P4HA2: variants seen among roughly 807,000 people sequenced by gnomAD.
P4HA2 encodes prolyl 4-hydroxylase subunit alpha-2.
A neutral mutation model predicts 76.9 loss-of-function variants in P4HA2; 46 were observed. That is an observed-to-expected ratio of 0.60 (90% CI 0.47 to 0.76). P4HA2 has a LOEUF of 0.76. Ranked by LOEUF, P4HA2 falls within the 30% of genes least tolerant of loss-of-function variation. The pLI is 0.00. For missense variants in P4HA2, 583 were observed against 669.4 expected (o/e 0.87, Z 1.42); for synonymous variants, 243 against 254.0 (o/e 0.96, Z 0.41).
chr5:132,203,882 G>A (rs199678265), intron 9 of P4HA2, 35 bp from the exon 10 acceptor site: 18 of 1,496,818 alleles, frequency 1.2e-5, no homozygotes, highest in Admixed American at 3.4e-5. Flanking sequence ...AAAAGAAGAC[G>A]GAAGGGCAGG....
intron 14 of P4HA2, among the ~76,000 whole-genome samples, chr5:132,194,248 T>C (rs915043347): frequency 1.3e-5 from 2 of 152,200 alleles, no homozygotes; most frequent in African/African-American, 4.8e-5. Context: ...TGTACAACTT[T>C]TTTTCCCCTG....
intron 4 of P4HA2, among the ~76,000 whole-genome samples, chr5:132,214,586 T>G (rs1753590556): frequency 6.6e-6 from 1 of 152,120 alleles, no homozygotes; most frequent in South Asian, 2.1e-4. Flanking sequence ...GGCCACTCAT[T>G]ACTGACCACT....
At chr5:132,201,877 G>A (rs1259923199) in intron 10 of P4HA2, 1 of 152,238 alleles carries the variant, frequency 6.6e-6, no homozygotes, top group East Asian at 1.9e-4. Context: ...AGAGCCACAG[G>A]TCCTGTCTAC....
At chr5:132,222,494 C>T (rs1408621512) in intron 1 of P4HA2, among the ~76,000 whole-genome samples, 1 of 152,142 alleles carries the variant, frequency 6.6e-6, no homozygotes, top group South Asian at 2.1e-4. Flanking sequence ...TGTCATCTGG[C>T]CTTCCTCCCA....
intron 5 of P4HA2, among the ~76,000 whole-genome samples, chr5:132,210,860 C>CTGG (rs1402963907): frequency 6.6e-6 from 1 of 152,148 alleles, no homozygotes; most frequent in Non-Finnish European, 1.5e-5. Context: ...AAGAAGATGT[C>CTGG]TGGTGGGCAG....
chr5:132,194,307 A>G lies in P4HA2; in HGVS notation c.1531+619T>C, dbSNP rs568499584. Among the ~76,000 whole-genome samples the G allele has an allele frequency of 2.6e-5, 4 of 152,226 alleles. No individual in the cohort carries two copies. The East Asian group carries it at 7.7e-4, about 29-fold the overall frequency. On this transcript the variant is annotated intron_variant, in intron 14 of 14. Transcript: ENST00000360568. ...TTTTCCATTTGCTTAATTATCTGCA[A>G]ACCTATCACTATTTATCTTCAAAAC...
chr5:132,195,349 G>T (rs1312860150), intron 13 of P4HA2, 63 bp downstream of exon 13: 2 of 1,202,034 alleles, frequency 1.7e-6, no homozygotes, highest in Admixed American at 1.7e-5. Context: ...GGTACTGGGG[G>T]ACATGGACAA....
intron 1 of P4HA2, among the ~76,000 whole-genome samples, chr5:132,224,576 GCAC>G (rs1361354221): frequency 1.3e-5 from 2 of 152,334 alleles, no homozygotes; most frequent in African/African-American, 4.8e-5. Context: ...TGTTCCAGGA[GCAC>G]CACAAGAAAT....
At chr5:132,198,403 C>A in intron 11 of P4HA2, 23 bp from the exon 12 acceptor site, 1 of 1,611,200 alleles carries the variant, frequency 6.2e-7, no homozygotes, top group Non-Finnish European at 8.5e-7. Flanking sequence ...ACAACTTTCA[C>A]CCAAGTTTAC....
At position 132,193,083 on chromosome 5, in the gene P4HA2, G is replaced by A; in HGVS notation, c.1532-3C>T. The A allele has an allele frequency of 6.2e-7, 1 of 1,609,088 alleles. No individual in the cohort carries two copies. Among genetic ancestry groups the A allele is most frequent in the Non-Finnish European group, 8.5e-7 (1 of 1,175,428 alleles). On this transcript the variant is annotated splice_polypyrimidine_tract_variant and splice_region_variant and intron_variant, in intron 14 of 14. Transcript: ENST00000360568. ...TTCATGGAACCACTTATTGGAGACTGTGAAAAGAAAGCAAGCATGTTACAA... is the reference window on the plus strand; with the variant it reads ...TTCATGGAACCACTTATTGGAGACTATGAAAAGAAAGCAAGCATGTTACAA...
Position 132,191,338 on chromosome 5 carries a change from C to T in P4HA2, c.*1672G>A, listed in dbSNP as rs543014274. ...CCATCCCGGCTAAAACGGTGAAACC[C>T]CGTCTCTACTAAAAATACAAAAAAT... is the stretch of plus-strand genomic sequence containing the variant. On this transcript the variant is annotated 3_prime_UTR_variant, in exon 15 of 15. Coordinates refer to ENST00000360568, the MANE Select transcript of P4HA2 (RefSeq NM_001017974.2). Among the ~76,000 whole-genome samples, 2 of 151,726 alleles carry T rather than the reference C, an allele frequency of 1.3e-5. No individual in the cohort carries two copies. Among genetic ancestry groups the T allele is most frequent in the South Asian group, 4.2e-4 (2 of 4,802 alleles).
intron 5 of P4HA2, among the ~76,000 whole-genome samples, chr5:132,212,109 T>C (rs1024964849): frequency 2.6e-5 from 4 of 151,954 alleles, no homozygotes; most frequent in African/African-American, 4.8e-5. Context: ...CTGACATGGG[T>C]AAAGGTATTC....
chr5:132,200,274 A>G (rs967628337), intron 10 of P4HA2: 4 of 152,280 alleles, frequency 2.6e-5, no homozygotes, highest in African/African-American at 4.8e-5. Flanking sequence ...TCCTCTTATT[A>G]GAGCACAAAA....
chr5:132,205,655 G>A (rs1354699624), intron 8 of P4HA2, among the ~76,000 whole-genome samples: 2 of 152,146 alleles, frequency 1.3e-5, no homozygotes, highest in Non-Finnish European at 1.5e-5. Flanking sequence ...AGGCTAGTAA[G>A]GGGGTGAGAT....
intron 14 of P4HA2, among the ~76,000 whole-genome samples, chr5:132,194,083 C>A (rs988100389): frequency 2.0e-4 from 30 of 152,022 alleles, no homozygotes; most frequent in Non-Finnish European, 7.4e-5. Context: ...CTTTGGAATT[C>A]TTTTATTCTA....
At chr5:132,201,455 C>T (rs562711627) in intron 10 of P4HA2, 2 of 152,320 alleles carry the variant, frequency 1.3e-5, no homozygotes, top group South Asian at 2.1e-4. Context: ...GGTGCCTAGG[C>T]ATGTATCATA....
rs1750976858 is a variant in P4HA2 at position 132,198,315 on chromosome 5, AC to A, written c.1365+5del. Reference sequence around the variant, plus strand: ...ATGAACAGGTGGGCCTGGACCCAGTACTTACGTAGTTAAGAAACGTCGCTAA... The same window carrying A: ...ATGAACAGGTGGGCCTGGACCCAGTATTACGTAGTTAAGAAACGTCGCTAA... On this transcript the variant is annotated splice_donor_5th_base_variant and intron_variant, in intron 12 of 14. Transcript: ENST00000360568. 6.2e-7 allele frequency: 1 copy of A among 1,614,190 alleles called. No individual in the cohort carries two copies.
intron 10 of P4HA2, chr5:132,202,396 G>A (rs1298394745): frequency 6.6e-6 from 1 of 152,160 alleles, no homozygotes; most frequent in African/African-American, 2.4e-5. Flanking sequence ...CCAAGCAAAA[G>A]TTCAAAAAAT....
At position 132,199,207 on chromosome 5, in the gene P4HA2, C is replaced by T. The variant is rs1377395621; in HGVS notation, c.1252-275G>A. ...TGCATATGATCACTGAGGAAAAGCA[C>T]CAGCCCTTCATGGACACTCAGACAG... On this transcript the variant is annotated intron_variant, in intron 10 of 14. Coordinates refer to ENST00000360568, the MANE Select transcript of P4HA2 (RefSeq NM_001017974.2). Among the ~76,000 whole-genome samples, 5 of 152,232 alleles carry T rather than the reference C, an allele frequency of 3.3e-5. No individual in the cohort carries two copies. In the East Asian group the frequency reaches 9.6e-4, roughly 29 times the overall value.
Sources: gnomAD v4.1 joint callset for allele counts (sites outside exome capture counted in the v4.1 genomes callset) on GRCh38, gnomAD v4.1.1 for gene constraint, MANE v1.5 for transcripts, NCBI Gene and HGNC (gene_info 2026-07-23, HGNC 2026-07-21) for gene names.